The following DSCAML1 variants were observed in gnomAD, a reference collection of about 807,000 sequenced individuals.
DSCAML1 encodes DS cell adhesion molecule like 1.
DSCAML1 carries 38 observed loss-of-function variants against 200.5 expected under a neutral mutation model. The ratio of observed to expected loss-of-function variants is 0.19; its 90% CI spans 0.15 to 0.25. The LOEUF is 0.25. Ranked by LOEUF, DSCAML1 falls within the 10% of genes least tolerant of loss-of-function variation. The pLI is 1.00. For synonymous variants in DSCAML1, 1,215 were observed against 1,165.0 expected (o/e 1.04, Z -0.87); for missense variants, 2,223 against 2,858.8 (o/e 0.78, Z 5.07).
At chr11:117,601,773 A>G (rs1353633824) in intron 3 of DSCAML1, among the ~76,000 whole-genome samples, 1 of 152,214 alleles carries the variant, frequency 6.6e-6, no homozygotes, top group Non-Finnish European at 1.5e-5. Context: ...AGCAGGAGGG[A>G]AAATACAGGG....
intron 3 of DSCAML1, among the ~76,000 whole-genome samples, chr11:117,564,878 G>C (rs1408849185): frequency 6.6e-6 from 1 of 152,018 alleles, no homozygotes; most frequent in Non-Finnish European, 1.5e-5. Flanking sequence ...CGATTCCACT[G>C]CCTCAGCCTC....
intron 3 of DSCAML1, among the ~76,000 whole-genome samples, chr11:117,653,484 T>C (rs752190259): frequency 3.3e-4 from 50 of 152,246 alleles, no homozygotes; most frequent in Non-Finnish European, 5.7e-4. Context: ...TTAAGCCCTG[T>C]CTGTCTTCAT....
intron 3 of DSCAML1, among the ~76,000 whole-genome samples, chr11:117,551,084 C>G (rs597583): frequency 0.24 from 35,992 of 152,136 alleles, 4,485 homozygotes; most frequent in South Asian, 0.43. Flanking sequence ...ATTCACCCTA[C>G]ACGTTGCGTT....
chr11:117,613,438 C>T (rs1439080653), intron 3 of DSCAML1, among the ~76,000 whole-genome samples: 2 of 152,020 alleles, frequency 1.3e-5, no homozygotes, highest in Non-Finnish European at 2.9e-5. Flanking sequence ...TAATAGGGTG[C>T]GCTCTCCTCT....
At chr11:117,508,388 T>C (rs904703378) in intron 8 of DSCAML1, among the ~76,000 whole-genome samples, 11 of 152,090 alleles carry the variant, frequency 7.2e-5, no homozygotes, top group African/African-American at 2.4e-4. Context: ...CTAGGACTTA[T>C]TCACCCAGCA....
chr11:117,685,345 A>C (rs969793822), intron 3 of DSCAML1, among the ~76,000 whole-genome samples: 5 of 152,216 alleles, frequency 3.3e-5, no homozygotes, highest in African/African-American at 1.2e-4. Context: ...GAAAGCGGCT[A>C]TCTTCATGTC....
chr11:117,439,740 C>T (rs1241028991), intron 22 of DSCAML1, 79 bp downstream of exon 22: 2 of 1,382,728 alleles, frequency 1.4e-6, no homozygotes, highest in African/African-American at 2.8e-5. Flanking sequence ...GCAGGAGGGC[C>T]CCAGACTCTT....
At chr11:117,629,633 A>G (rs1303346938) in intron 3 of DSCAML1, among the ~76,000 whole-genome samples, 1 of 152,108 alleles carries the variant, frequency 6.6e-6, no homozygotes, top group Non-Finnish European at 1.5e-5. Context: ...AGACTCAGAG[A>G]CAGTCAGGGA....
At chr11:117,762,945 CA>C (rs2054831379) in intron 3 of DSCAML1, among the ~76,000 whole-genome samples, 1 of 151,714 alleles carries the variant, frequency 6.6e-6, no homozygotes, top group African/African-American at 2.4e-5. Flanking sequence ...AAGCACAATA[CA>C]AATTTGACTA....
rs188838229 is a variant in DSCAML1, at chr11:117,496,217, C to T, written c.2359+7628G>A. Reference sequence around the variant, plus strand: ...GTTTCCTGAAGGTCAGTTCCAGCTTCCTAACGAGTCTGTATGTTCCTGGAG... The same window carrying T: ...GTTTCCTGAAGGTCAGTTCCAGCTTTCTAACGAGTCTGTATGTTCCTGGAG... On this transcript the variant is annotated intron_variant, in intron 11 of 32. Transcript: ENST00000651296. 9.5e-4 allele frequency among the ~76,000 whole-genome samples: 144 copies of T among 152,320 alleles called. 1 individual carries two copies. Among genetic ancestry groups the T allele is most frequent in the Admixed American group, 2.4e-3 (37 of 15,310 alleles).
rs777313302 is a variant in DSCAML1 at position 117,797,184 on chromosome 11, C to T, written c.-105G>A. ...TCCCAGCCGCCCGCACTCGGCGCCC[C>T]GCTCTCTCTGCTCCTCAGCCCAGCG... On this transcript the variant is annotated 5_prime_UTR_variant, in exon 1 of 33. Coordinates refer to ENST00000651296, the MANE Select transcript of DSCAML1 (RefSeq NM_020693.4). 6.4e-6 allele frequency: 10 copies of T among 1,565,954 alleles called. No homozygotes were observed. The highest frequency in any genetic ancestry group is 1.2e-5 in the South Asian group (1 of 85,368).
intron 1 of DSCAML1, among the ~76,000 whole-genome samples, chr11:117,809,712 A>G (rs2055740349): frequency 6.6e-6 from 1 of 152,170 alleles, no homozygotes; most frequent in South Asian, 2.1e-4. Flanking sequence ...TCTGATTCTC[A>G]GCTGAGGAGG....
At position 117,430,600 on chromosome 11, in the gene DSCAML1, G is replaced by A. The variant is rs1053848217; in HGVS notation, c.5686+122C>T. On this transcript the variant is annotated intron_variant, in intron 32 of 32. Coordinates refer to ENST00000651296, the MANE Select transcript of DSCAML1 (RefSeq NM_020693.4). ...CTTGCTGTTGGTACCACCCTGCACTGCCAAGGAGCCAAGCTGGGCTGGCAT... is the reference window on the plus strand; with the variant it reads ...CTTGCTGTTGGTACCACCCTGCACTACCAAGGAGCCAAGCTGGGCTGGCAT... 8.6e-5 allele frequency: 105 copies of A among 1,215,636 alleles called. 1 individual carries two copies. Among genetic ancestry groups the A allele is most frequent in the Non-Finnish European group, 1.1e-4 (94 of 888,968 alleles). 75.3% of individuals were successfully genotyped at this position (1,215,636 alleles called of 1,614,324 possible).
intron 3 of DSCAML1, among the ~76,000 whole-genome samples, chr11:117,675,660 C>A: frequency 6.6e-6 from 1 of 151,932 alleles, no homozygotes; most frequent in African/African-American, 2.4e-5. Flanking sequence ...TAAAGACAGG[C>A]CCGGCTGCGT....
intron 3 of DSCAML1, among the ~76,000 whole-genome samples, chr11:117,592,702 T>C (rs868321570): frequency 6.6e-6 from 1 of 152,216 alleles, no homozygotes; most frequent in Non-Finnish European, 1.5e-5. Flanking sequence ...AAATAACCCA[T>C]GCAGTAAGTA....
At chr11:117,800,343 A>G (rs186153142), upstream of DSCAML1, among the ~76,000 whole-genome samples, 22 of 152,360 alleles carry the variant, frequency 1.4e-4, no homozygotes, top group African/African-American at 5.3e-4. Context: ...CTGACATTTT[A>G]GAGGGGCTAT....
chr11:117,623,376 C>T (rs570607476), intron 3 of DSCAML1, among the ~76,000 whole-genome samples: 1 of 152,114 alleles, frequency 6.6e-6, no homozygotes, highest in East Asian at 1.9e-4. Flanking sequence ...GCCATGACAC[C>T]AGCTAATTTT....
At chr11:117,621,814 G>A (rs965623785) in intron 3 of DSCAML1, among the ~76,000 whole-genome samples, 1 of 152,158 alleles carries the variant, frequency 6.6e-6, no homozygotes, top group Admixed American at 6.5e-5. Context: ...ACAAGACAAC[G>A]TGTGGAAGAA....
intron 3 of DSCAML1, among the ~76,000 whole-genome samples, chr11:117,689,504 G>T (rs2053459937): frequency 1.3e-5 from 2 of 152,230 alleles, no homozygotes; most frequent in African/African-American, 2.4e-5. Flanking sequence ...TGCCAGCAGG[G>T]TATGAAACGT....
Sources: gnomAD v4.1 joint callset for allele counts (sites outside exome capture counted in the v4.1 genomes callset) on GRCh38, gnomAD v4.1.1 for gene constraint, MANE v1.5 for transcripts, NCBI Gene and HGNC (gene_info 2026-07-23, HGNC 2026-07-21) for gene names.